Variants in RORA observed in about 807,000 individuals in gnomAD.
RORA encodes the protein nuclear receptor ROR-alpha.
RORA carries 7 observed loss-of-function variants against 69.5 expected under a neutral mutation model. The ratio of observed to expected loss-of-function variants is 0.10; its 90% CI spans 0.06 to 0.19. The LOEUF is 0.19. Among genes scored for constraint, RORA ranks in the 10% least tolerant of loss-of-function variants. The pLI is 1.00. For synonymous variants in RORA, 261 were observed against 240.8 expected, an observed-to-expected ratio of 1.08 and a Z score of -0.78; for missense variants, 457 against 663.0, an observed-to-expected ratio of 0.69 and a Z score of 3.41.
chr15:61,059,907 C>CGAA (rs57030654), intron 1 of RORA, among the ~76,000 whole-genome samples: 20 of 126,964 alleles, frequency 1.6e-4, no homozygotes, highest in East Asian at 4.4e-4. Flanking sequence ...CAGTTCCACA[C>CGAA]GAAGAAGAAG....
chr15:60,598,448 CCTACTCA>C (rs1437318961), intron 2 of RORA: 1 of 152,160 alleles, frequency 6.6e-6, no homozygotes, highest in Non-Finnish European at 1.5e-5. Context: ...TCCTCCTCAG[CCTACTCA>C]CTGTGAAGAC....
At chr15:60,582,912 A>C (rs1014168382) in intron 2 of RORA, among the ~76,000 whole-genome samples, 1 of 152,172 alleles carries the variant, frequency 6.6e-6, no homozygotes, top group African/African-American at 2.4e-5. Context: ...TACTGTTTTT[A>C]CATTGGCCTA....
intron 1 of RORA, among the ~76,000 whole-genome samples, chr15:60,898,318 T>C (rs1177557069): frequency 1.3e-5 from 2 of 152,070 alleles, no homozygotes; most frequent in African/African-American, 4.8e-5. Flanking sequence ...GGCTTTGTTC[T>C]AGGTTGTAGG....
At position 60,677,396 on chromosome 15, in the gene RORA, G is replaced by A; in HGVS notation, c.196+1261C>T. ...TACCCTGATGGAGGGACAGCCAACT[G>A]GAACTGTGCATTGAGAGATGGAGGT... On this transcript the variant is annotated intron_variant, in intron 2 of 10. Coordinates refer to ENST00000335670, the MANE Select transcript of RORA (RefSeq NM_134261.3). 10 of 361,566 alleles carry A rather than the reference G, an allele frequency of 2.8e-5. 1 individual carries two copies. The highest frequency in any genetic ancestry group is 2.0e-4 in the South Asian group (10 of 50,232). 22.4% of individuals were successfully genotyped at this position (361,566 alleles called of 1,614,324 possible).
chr15:61,186,208 C>T (rs2079739577), intron 1 of RORA, among the ~76,000 whole-genome samples: 1 of 152,218 alleles, frequency 6.6e-6, no homozygotes, highest in African/African-American at 2.4e-5. Context: ...GCTCAGCACA[C>T]TGCAACCTAG....
chr15:60,815,807 T>A (rs951627681), intron 1 of RORA, among the ~76,000 whole-genome samples: 11 of 151,170 alleles, frequency 7.3e-5, no homozygotes, highest in Admixed American at 4.0e-4. Context: ...TTAAAAAAAA[T>A]TTTATATTTC....
At chr15:60,894,044 C>T (rs1274718284) in intron 1 of RORA, among the ~76,000 whole-genome samples, 4 of 152,118 alleles carry the variant, frequency 2.6e-5, no homozygotes, top group Non-Finnish European at 5.9e-5. Context: ...ACCCCATGGC[C>T]ACCCCCAGAC....
chr15:60,557,432 G>T (rs1452812370), intron 2 of RORA, among the ~76,000 whole-genome samples: 1 of 152,194 alleles, frequency 6.6e-6, no homozygotes, highest in East Asian at 1.9e-4. Flanking sequence ...GACAAAAAAG[G>T]CCAGGGGAGT....
chr15:60,581,639 C>A (rs2068198570), intron 2 of RORA, among the ~76,000 whole-genome samples: 1 of 152,196 alleles, frequency 6.6e-6, no homozygotes, highest in South Asian at 2.1e-4. Context: ...TCTTTTCAAA[C>A]TCCTTTATCG....
Position 60,813,696 on chromosome 15 carries a change from T to C in RORA, c.167-135010A>G, listed in dbSNP as rs975802394. 3.9e-5 allele frequency among the ~76,000 whole-genome samples: 6 copies of C among 152,228 alleles called. No individual in the cohort carries two copies. The East Asian group carries it at 1.2e-3, about 29-fold the overall frequency. ...AAACTACTACAGAATACTATATCTTTATTATAATTACCTATCAGATCAAAT... is the reference window on the plus strand; with the variant it reads ...AAACTACTACAGAATACTATATCTTCATTATAATTACCTATCAGATCAAAT... On this transcript the variant is annotated intron_variant, in intron 1 of 10. Coordinates refer to ENST00000335670, the MANE Select transcript of RORA (RefSeq NM_134261.3).
intron 1 of RORA, among the ~76,000 whole-genome samples, chr15:60,938,163 T>A (rs554685282): frequency 7.2e-5 from 11 of 152,314 alleles, no homozygotes; most frequent in Non-Finnish European, 1.5e-4. Context: ...TGTTTTTATA[T>A]ATAAAGTACA....
chr15:60,770,027 A>G (rs1271622071), intron 1 of RORA, among the ~76,000 whole-genome samples: 2 of 152,192 alleles, frequency 1.3e-5, no homozygotes, highest in African/African-American at 4.8e-5. Context: ...TGCAGCCAAG[A>G]TGCTGACACA....
At chr15:61,217,417 T>A (rs1188327323) in intron 1 of RORA, among the ~76,000 whole-genome samples, 1 of 150,222 alleles carries the variant, frequency 6.7e-6, no homozygotes, top group Non-Finnish European at 1.5e-5. Context: ...GTGAAAATGA[T>A]GGTAGGATTT....
At chr15:60,903,280 A>T (rs1354686559) in intron 1 of RORA, among the ~76,000 whole-genome samples, 1 of 152,226 alleles carries the variant, frequency 6.6e-6, no homozygotes, top group Non-Finnish European at 1.5e-5. Context: ...ACTGGGCTCT[A>T]GACTCTTCTC....
intron 1 of RORA, among the ~76,000 whole-genome samples, chr15:61,079,225 C>T (rs1352032104): frequency 6.6e-6 from 1 of 152,062 alleles, no homozygotes; most frequent in African/African-American, 2.4e-5. Flanking sequence ...ATGATGCCAC[C>T]AATTCATTTA....
chr15:60,551,402 T>A (rs1463999528), intron 2 of RORA, among the ~76,000 whole-genome samples: 1 of 152,124 alleles, frequency 6.6e-6, no homozygotes, highest in Non-Finnish European at 1.5e-5. Context: ...CACATCCTCA[T>A]CTGGCTGACT....
intron 1 of RORA, among the ~76,000 whole-genome samples, chr15:60,803,923 TTC>T (rs1431933627): frequency 6.6e-6 from 1 of 152,270 alleles, no homozygotes; most frequent in Admixed American, 6.5e-5. Context: ...ACTCTATATT[TTC>T]TCTCTTTCAC....
chr15:60,555,865 T>C (rs1435136864), intron 2 of RORA, among the ~76,000 whole-genome samples: 1 of 152,164 alleles, frequency 6.6e-6, no homozygotes, highest in African/African-American at 2.4e-5. Flanking sequence ...GGAAAAAAGA[T>C]AACCCACTTC....
intron 1 of RORA, among the ~76,000 whole-genome samples, chr15:60,729,865 C>T (rs2071407422): frequency 6.6e-6 from 1 of 152,192 alleles, no homozygotes; most frequent in South Asian, 2.1e-4. Flanking sequence ...TATCTTACCT[C>T]TCTGCTTTAA....
Sources: allele counts gnomAD v4.1 joint callset (sites outside exome capture counted in the v4.1 genomes callset), GRCh38; gene constraint gnomAD v4.1.1; transcripts MANE v1.5; gene names NCBI Gene and HGNC (gene_info 2026-07-23, HGNC 2026-07-21).